SLC4A11: variants seen among roughly 807,000 people sequenced by gnomAD.
SLC4A11 encodes bicarbonate transporter related protein 1.
A neutral mutation model predicts 95.0 loss-of-function variants in SLC4A11; 74 were observed. The ratio of observed to expected loss-of-function variants is 0.78; its 90% confidence interval spans 0.65 to 0.95. The LOEUF (loss-of-function observed/expected upper bound fraction) is 0.95. SLC4A11 is among the 40% of genes least tolerant of loss of function. SLC4A11 has a pLI of 0.00. For missense variants in SLC4A11, 1,081 were observed against 1,192.4 expected, an observed-to-expected ratio of 0.91 and a Z score of 1.38; for synonymous variants, 548 against 519.0, an observed-to-expected ratio of 1.06 and a Z score of -0.76.
chr20:3,228,873 C>T lies in SLC4A11; in HGVS notation c.2157G>A (p.Val719=), dbSNP rs2067640840. Residue 719 remains valine, a synonymous_variant, in exon 17 of 20, where the codon GTG becomes GTA. Coordinates refer to ENST00000642402, the MANE Select transcript of SLC4A11 (RefSeq NM_001174089.2). ...TGTGTCCGTTCTCCACACGCTCCTC[C>T]ACTAAGGCCAGGGCTCGCACGTGCA... The part of the protein sequence containing the change: ...SPLHVRALAL[V]EERVENGHIY... 1 of 1,613,810 alleles carries T rather than the reference C, an allele frequency of 6.2e-7. No homozygotes were observed. Among genetic ancestry groups the T allele is most frequent in the South Asian group, 1.1e-5 (1 of 91,090 alleles).
At chr20:3,230,048 G>T in intron 13 of SLC4A11, 139 bp downstream of exon 13, 1 of 1,185,546 alleles carries the variant, frequency 8.4e-7, no homozygotes, top group Non-Finnish European at 1.2e-6. Flanking sequence ...CCAGCCCAAG[G>T]CTCCCAGAGC....
rs1395212224 is a variant in SLC4A11, at chr20:3,231,210, C to T, written c.981G>A (p.Gly327=). The T allele has an allele frequency of 1.9e-6, 3 of 1,614,002 alleles. No homozygotes were observed. In the African/African-American group the frequency reaches 4.0e-5, roughly 22 times the overall value. ...PPKCKDFVPF[G]KGIREDIARR... is the part of the protein sequence containing the mutation. ...GTGCGATGTCCTCCCGGATGCCCTT[C>T]CCAAAAGGGACAAAGTCCTTGCACT... is the stretch of plus-strand genomic sequence containing the variant. Residue 327 remains glycine (G), a synonymous_variant, in exon 9 of 20, where the codon GGG becomes GGA. Coordinates refer to ENST00000642402, the MANE Select transcript of SLC4A11 (RefSeq NM_001174089.2). This position sits in a 1 kb window ranked among gnomAD's most constrained non-coding sequence, Gnocchi z 5.2.
Position 3,227,772 on chromosome 20 carries a change from G to C in SLC4A11, c.*15C>G. ...GTGGAGGGCTGGCGAATGGGGCGTG[G>C]GCAGGGTCTGCCAGTCAAGGCCTGT... On this transcript the variant is annotated 3_prime_UTR_variant, in exon 20 of 20. Coordinates refer to ENST00000642402, the MANE Select transcript of SLC4A11 (RefSeq NM_001174089.2). 6.2e-7 allele frequency: 1 copy of C among 1,612,512 alleles called. No individual in the cohort carries two copies. The highest frequency in any genetic ancestry group is 8.5e-7 in the Non-Finnish European group (1 of 1,179,828).
intron 7 of SLC4A11, 85 bp downstream of exon 7, chr20:3,233,429 C>T: frequency 1.3e-6 from 2 of 1,597,132 alleles, no homozygotes; most frequent in East Asian, 2.2e-5. Context: ...CTTCAGAGGC[C>T]AGGACATGTG....
chr20:3,227,824 T>C lies in SLC4A11; in HGVS notation c.2591A>G (p.Lys864Arg), dbSNP rs2067579839. ...CTCAGCGTCCATGACATCCAAGTAC[T>C]TGGCTTCAATGATTCGGGGCAGCAG... ...YILLPRIIEA[K>R]YLDVMDAEHR... The change falls in exon 20 of 20, where the codon AAG (lysine) becomes AGG (arginine). Residue 864 changes from lysine to arginine, a missense_variant. By Grantham distance (26) the Lys-to-Arg change is conservative. Transcript: ENST00000642402. 1 of 1,613,050 alleles carries C rather than the reference T, an allele frequency of 6.2e-7. No individual in the cohort carries two copies. Among genetic ancestry groups the C allele is most frequent in the African/African-American group, 1.3e-5 (1 of 74,892 alleles).
intron 7 of SLC4A11, among the ~76,000 whole-genome samples, chr20:3,232,294 C>T (rs1267859745): frequency 6.6e-6 from 1 of 152,262 alleles, no homozygotes; most frequent in Non-Finnish European, 1.5e-5. Flanking sequence ...CATGAACTCA[C>T]GAACTCAGTG....
intron 2 of SLC4A11, 130 bp downstream of exon 2, chr20:3,237,414 G>T: frequency 1.0e-6 from 1 of 964,860 alleles, no homozygotes; most frequent in Non-Finnish European, 1.7e-6. Context: ...GAAGCCAAAA[G>T]CATTCCAGCA....
chr20:3,227,597 G>A lies in SLC4A11; in HGVS notation c.*190C>T. ...GCAACGCTCTTGGCCTAAAGCTAAA[G>A]GATAATGGGAGAGGGGTGGGCACAT... On this transcript the variant is annotated 3_prime_UTR_variant, in exon 20 of 20. Coordinates refer to ENST00000642402, the MANE Select transcript of SLC4A11 (RefSeq NM_001174089.2). 1 of 653,762 alleles carries A rather than the reference G, an allele frequency of 1.5e-6. No individual in the cohort carries two copies. Among genetic ancestry groups the A allele is most frequent in the Non-Finnish European group, 2.7e-6 (1 of 364,312 alleles). The allele number at this position is 653,762 out of a possible 1,614,324, so 40.5% of individuals were successfully genotyped here.
rs937285259 is a variant in SLC4A11, at chr20:3,234,878, G to A, written c.105C>T (p.Asp35=). The change falls in exon 3 of 20, where the codon GAC becomes GAT. Residue 35 remains aspartate, a synonymous_variant. Coordinates refer to ENST00000642402, the MANE Select transcript of SLC4A11 (RefSeq NM_001174089.2). The surrounding 1 kb of genome is among the most constrained non-coding windows in gnomAD (Gnocchi z 5.8). ...YFEDSSYYKC[D]TDDTFEAREE... is the part of the protein sequence containing the mutation. ...CTCGGGCTTCGAAGGTGTCATCTGTGTCACACTTGTAGTAGCCTAGAGACC... is the reference window on the plus strand; with the variant it reads ...CTCGGGCTTCGAAGGTGTCATCTGTATCACACTTGTAGTAGCCTAGAGACC... 3.7e-6 allele frequency: 6 copies of A among 1,613,834 alleles called. No individual in the cohort carries two copies. The highest frequency in any genetic ancestry group is 5.1e-6 in the Non-Finnish European group (6 of 1,180,016).
In SLC4A11 at chr20:3,234,569, T is replaced by C. The variant is rs1568542425; in HGVS notation, c.290A>G (p.Lys97Arg). ...CCACCTGCAGGACAGGCCATTCACC[T>C]TTCGGGAGGTGTGCAGGAGCACACA... ...GGCVLLHTSR[K>R]YLKLKNFKEE... is the part of the protein sequence containing the mutation. The change falls in exon 4 of 20, where the codon AAG (lysine) becomes AGG (arginine). Residue 97 changes from lysine to arginine, a missense_variant and splice_region_variant. Lys to Arg is a conservative substitution (Grantham distance 26). This residue lies in a region of SLC4A11 where 310 missense variants were observed against 313.5 expected (regional missense o/e 0.99). Coordinates refer to ENST00000642402, the MANE Select transcript of SLC4A11 (RefSeq NM_001174089.2). This position sits in a 1 kb window ranked among gnomAD's most constrained non-coding sequence, Gnocchi z 5.8. The C allele has an allele frequency of 2.5e-6, 4 of 1,613,780 alleles. No individual in the cohort carries two copies. The highest frequency in any genetic ancestry group is 2.2e-5 in the South Asian group (2 of 91,080).
intron 12 of SLC4A11, 116 bp downstream of exon 12, chr20:3,230,399 C>T: frequency 6.3e-7 from 1 of 1,587,452 alleles, no homozygotes; most frequent in African/African-American, 1.3e-5. Flanking sequence ...CTGAGCCCAC[C>T]CCAGCCCCTT....
rs1381270144 is a variant in SLC4A11 at position 3,239,077 on chromosome 20, C to T, written c.43+18G>A. 13 of 1,473,012 alleles carry T rather than the reference C, an allele frequency of 8.8e-6. No individual in the cohort carries two copies. Among genetic ancestry groups the T allele is most frequent in the Non-Finnish European group, 1.2e-5 (13 of 1,116,504 alleles). The allele number at this position is 1,473,012 out of a possible 1,614,324, so 91.2% of individuals were successfully genotyped here. ...CCCGGGCGGCCTTCCCGCCGCGCCC[C>T]CGGGTTCAGGCACCCACCGCACGGC... On this transcript the variant is annotated intron_variant, in intron 1 of 19. Transcript: ENST00000642402.
chr20:3,231,479 G>C lies in SLC4A11; in HGVS notation c.799C>G (p.Gln267Glu). The change falls in exon 8 of 20, where the codon CAG (glutamine) becomes GAG (glutamate). Residue 267 changes from glutamine to glutamate, a missense_variant. Physicochemically the swap from Gln to Glu is conservative, Grantham distance 29. Around this residue, in one of 3 missense-constraint regions of SLC4A11, gnomAD observed 767 missense variants for 858.0 expected, o/e 0.89. Coordinates refer to ENST00000642402, the MANE Select transcript of SLC4A11 (RefSeq NM_001174089.2). The surrounding 1 kb of genome is among the most constrained non-coding windows in gnomAD (Gnocchi z 5.2). ...ATMFSDIAFR[Q>E]KLLETRTEEE... ...TCTGTGCGGGTCTCCAGGAGCTTCT[G>C]GCGGAAGGCGATATCCGAGAACATG... 1 of 1,614,054 alleles carries C rather than the reference G, an allele frequency of 6.2e-7. No individual in the cohort carries two copies. The highest frequency in any genetic ancestry group is 1.3e-5 in the African/African-American group (1 of 75,038).
intron 6 of SLC4A11, 61 bp downstream of exon 6, chr20:3,233,860 G>A: frequency 1.3e-6 from 2 of 1,588,860 alleles, no homozygotes; most frequent in South Asian, 1.1e-5. Context: ...AGGGCACAGG[G>A]GACATGGGAC....
chr20:3,234,753 G>A lies in SLC4A11; in HGVS notation c.230C>T (p.Ala77Val), dbSNP rs749089243. 1.2e-6 allele frequency: 2 copies of A among 1,613,950 alleles called. No individual in the cohort carries two copies. Among genetic ancestry groups the A allele is most frequent in the East Asian group, 4.5e-5 (2 of 44,878 alleles). Residue 77 changes from alanine to valine, a missense_variant, in exon 3 of 20, where the codon GCC (alanine) becomes GTC (valine). Ala to Val is a moderately conservative substitution (Grantham distance 64). This residue lies in a region of SLC4A11 where 310 missense variants were observed against 313.5 expected (regional missense o/e 0.99). Coordinates refer to ENST00000642402, the MANE Select transcript of SLC4A11 (RefSeq NM_001174089.2). The surrounding 1 kb of genome is among the most constrained non-coding windows in gnomAD (Gnocchi z 5.8). ...FFVNVNLEMQ[A>V]TNTENEATSG... ...TGCAGCCCCCATACCAGTGTTGGTGGCCTGCATCTCAAGGTTGACATTGAC... is the reference window on the plus strand; with the variant it reads ...TGCAGCCCCCATACCAGTGTTGGTGACCTGCATCTCAAGGTTGACATTGAC...
Position 3,237,584 on chromosome 20 carries a change from G to A in SLC4A11, c.48C>T (p.Asn16=), listed in dbSNP as rs1001283161. ...ATCCATTCTGCGACATGGTGGGAGA[G>A]TTTTCTGCAAGGGAAGCAGAAAGGT... The part of the protein sequence containing the change: ...RRVFHLQPCE[N]SPTMSQNGYF... The change falls in exon 2 of 20, where the codon AAC becomes AAT. Residue 16 remains asparagine, a synonymous_variant. Transcript: ENST00000642402. 3.1e-6 allele frequency: 5 copies of A among 1,614,070 alleles called. No homozygotes were observed. Among genetic ancestry groups the A allele is most frequent in the Non-Finnish European group, 4.2e-6 (5 of 1,180,028 alleles).
intron 6 of SLC4A11, 78 bp from the exon 7 acceptor site, chr20:3,233,715 C>T (rs1201625058): frequency 6.3e-7 from 1 of 1,597,398 alleles, no homozygotes; most frequent in African/African-American, 1.3e-5. Context: ...CCCCCTCGAC[C>T]TTGACCCCTG....
In SLC4A11 at chr20:3,230,914, C is replaced by T; in HGVS notation, c.1168+19G>A. 2 of 1,613,362 alleles carry T rather than the reference C, an allele frequency of 1.2e-6. No individual in the cohort carries two copies. The highest frequency in any genetic ancestry group is 1.7e-6 in the Non-Finnish European group (2 of 1,179,788). On this transcript the variant is annotated intron_variant, in intron 10 of 19. Transcript: ENST00000642402. Reference sequence around the variant, plus strand: ...CAGCCCAGCATACCCCCACCCACCGCCCACCGCCAGCCCCTCACCGATGGC... The same window carrying T: ...CAGCCCAGCATACCCCCACCCACCGTCCACCGCCAGCCCCTCACCGATGGC...
chr20:3,227,546 C>A lies in SLC4A11; in HGVS notation c.*241G>T. 2 of 581,296 alleles carry A rather than the reference C, an allele frequency of 3.4e-6. No individual in the cohort carries two copies. Among genetic ancestry groups the A allele is most frequent in the Non-Finnish European group, 3.1e-6 (1 of 323,256 alleles). The allele number at this position is 581,296 out of a possible 1,614,324, so 36.0% of individuals were successfully genotyped here. ...AGAAAATCCATCCTGCTCAGTCCCA[C>A]CCACCCTGGGCAGAAGCTGCCCTGA... On this transcript the variant is annotated 3_prime_UTR_variant, in exon 20 of 20. Coordinates refer to ENST00000642402, the MANE Select transcript of SLC4A11 (RefSeq NM_001174089.2).
Sources: allele counts gnomAD v4.1 joint callset (sites outside exome capture counted in the v4.1 genomes callset), GRCh38; gene constraint gnomAD v4.1.1; regional missense constraint gnomAD v4.1.1; non-coding constraint Gnocchi (gnomAD v3.1); transcripts MANE v1.5; gene names NCBI Gene and HGNC (gene_info 2026-07-23, HGNC 2026-07-21).